The following ODAD1 variants were observed in gnomAD, a reference collection of about 807,000 sequenced individuals.
The protein encoded by ODAD1 is outer dynein arm-docking complex subunit 1.
Under a neutral mutation model 67.2 loss-of-function variants are expected in ODAD1, and 49 were observed. That is an observed-to-expected ratio of 0.73 (90% CI 0.58 to 0.92). The LOEUF (loss-of-function observed/expected upper bound fraction) is 0.92. Among genes scored for constraint, ODAD1 ranks in the 40% least tolerant of loss-of-function variants. ODAD1 has a pLI of 0.00. For missense variants in ODAD1, 897 were observed against 953.7 expected (o/e 0.94, Z 0.78); for synonymous variants, 345 against 393.7 (o/e 0.88, Z 1.46).
intron 7 of ODAD1, among the ~76,000 whole-genome samples, chr19:48,311,271 C>T (rs1325217149): frequency 2.6e-5 from 4 of 151,992 alleles, no homozygotes. Context: ...CAAAGATCCC[C>T]GTGGAATGTA....
intron 8 of ODAD1, among the ~76,000 whole-genome samples, chr19:48,304,343 T>A (rs921412384): frequency 4.6e-5 from 7 of 152,090 alleles, no homozygotes; most frequent in African/African-American, 1.7e-4. Flanking sequence ...AGCAGAGAAC[T>A]GGCTGGGCAC....
At chr19:48,315,353 T>C (rs1488915130) in intron 5 of ODAD1, among the ~76,000 whole-genome samples, 1 of 152,218 alleles carries the variant, frequency 6.6e-6, no homozygotes, top group Non-Finnish European at 1.5e-5. Context: ...GAGACCAGCC[T>C]GGCCAACATG....
chr19:48,316,921 C>T (rs554196710), intron 5 of ODAD1, among the ~76,000 whole-genome samples: 96 of 152,184 alleles, frequency 6.3e-4, no homozygotes, highest in African/African-American at 2.0e-3. Context: ...ATCGCTTGAA[C>T]CTGGGAGGTG....
chr19:48,318,901 G>A, intron 3 of ODAD1, 89 bp from the exon 4 acceptor site: 1 of 799,408 alleles, frequency 1.3e-6, no homozygotes, highest in Admixed American at 2.1e-5. Flanking sequence ...CTCCCTTTGG[G>A]GTCTCACAAA....
intron 11 of ODAD1, 64 bp downstream of exon 11, chr19:48,302,948 AG>A: frequency 1.1e-6 from 1 of 922,986 alleles, no homozygotes; most frequent in Non-Finnish European, 1.6e-6. Context: ...AGGCAGGCTG[AG>A]GGAGGGAAGG....
In ODAD1 at chr19:48,303,773, C is replaced by A. The variant is rs1445695626; in HGVS notation, c.865G>T (p.Ala289Ser). The change falls in exon 10 of 16, where the codon GCC becomes TCC. Residue 289 changes from alanine to serine, a missense_variant. By Grantham distance (99) the Ala-to-Ser change is moderately conservative (BLOSUM62 1). Coordinates refer to ENST00000674294, the MANE Select transcript of ODAD1 (RefSeq NM_001364171.2). ...EKREKQAGEV[A>S]EGVWKTSQER... ...TGGGAGGTCTTCCAGACGCCCTCGGCCACCTCCCCGGCTAGGGGAAGAGAG... is the reference window on the plus strand; with the variant it reads ...TGGGAGGTCTTCCAGACGCCCTCGGACACCTCCCCGGCTAGGGGAAGAGAG... 1.2e-6 allele frequency: 2 copies of A among 1,609,634 alleles called. No individual in the cohort carries two copies. The highest frequency in any genetic ancestry group is 2.7e-5 in the African/African-American group (2 of 75,030).
chr19:48,303,911 G>A (rs749128355), intron 9 of ODAD1, 42 bp downstream of exon 9: 15 of 1,599,728 alleles, frequency 9.4e-6, no homozygotes, highest in Admixed American at 3.4e-5. Context: ...CCCCAGGGGC[G>A]GCCAGGCCCT....
In ODAD1 at chr19:48,306,196, T is replaced by C. The variant is rs970339985; in HGVS notation, c.665+60A>G. 28 of 1,548,422 alleles carry C rather than the reference T, an allele frequency of 1.8e-5. No individual in the cohort carries two copies. The African/African-American group carries it at 3.4e-4, about 19-fold the overall frequency. ...CCTGAACCTTCCCATCACTGCCTTA[T>C]GGAAAGGTGCGTCCTGAGTCATCTG... is the stretch of plus-strand genomic sequence containing the variant. On this transcript the variant is annotated intron_variant, in intron 8 of 15. Transcript: ENST00000674294.
intron 13 of ODAD1, 28 bp from the exon 14 acceptor site, chr19:48,298,125 C>G (rs759627494): frequency 1.2e-6 from 2 of 1,611,820 alleles, no homozygotes; most frequent in South Asian, 2.2e-5. Flanking sequence ...CTGCGGTCAG[C>G]TGGGCCACCC....
intron 3 of ODAD1, chr19:48,319,607 A>G (rs1968988266): frequency 5.7e-6 from 1 of 175,040 alleles, no homozygotes; most frequent in Non-Finnish European, 1.1e-5. Flanking sequence ...AGCTCACTGC[A>G]GCCTCCACCT....
At chr19:48,311,763 G>A (rs1968771078) in intron 6 of ODAD1, 97 bp from the exon 7 acceptor site, 2 of 866,512 alleles carry the variant, frequency 2.3e-6, no homozygotes, top group Admixed American at 4.1e-5. Context: ...CAGAGGTTGG[G>A]CCGGCCTGTT....
rs1968971761 is a variant in ODAD1 at position 48,318,946 on chromosome 19, C to G, written c.71-134G>C. The G allele has an allele frequency of 9.6e-6, 6 of 622,934 alleles. No homozygotes were observed. In the South Asian group the frequency reaches 1.1e-4, roughly 11 times the overall value. 38.6% of individuals were successfully genotyped at this position (622,934 alleles called of 1,614,324 possible). On this transcript the variant is annotated intron_variant, in intron 3 of 15. Transcript: ENST00000674294. The stretch of plus-strand genomic sequence containing the variant: ...AACTGCAGATCCAGCCCCCAACACC[C>G]CTCTAGGAATGCACCTCAGTTCCGG...
At chr19:48,305,061 G>T (rs1231674888) in intron 8 of ODAD1, among the ~76,000 whole-genome samples, 3 of 152,142 alleles carry the variant, frequency 2.0e-5, no homozygotes, top group Non-Finnish European at 4.4e-5. Flanking sequence ...AGACCCTAAG[G>T]CCGACCCAGG....
chr19:48,304,970 A>G (rs1204938839), intron 8 of ODAD1, among the ~76,000 whole-genome samples: 1 of 152,192 alleles, frequency 6.6e-6, no homozygotes, highest in Admixed American at 6.5e-5. Context: ...AATGTACTAA[A>G]TGCTGCTACA....
rs1014789726 is a variant in ODAD1, at chr19:48,313,442, A to C, written c.361-1326T>G. Among the ~76,000 whole-genome samples, 4 of 98,826 alleles carry C rather than the reference A, an allele frequency of 4.0e-5. No homozygotes were observed. The East Asian group carries it at 1.0e-3, about 25-fold the overall frequency. 64.8% of individuals were successfully genotyped at this position (98,826 alleles called of 152,430 possible). Reference sequence around the variant, plus strand: ...ACTCCATCTCAAAAAAAAAAAAAAAAAAAACCAAAAAAAAACCTCACATGT... The same window carrying C: ...ACTCCATCTCAAAAAAAAAAAAAAACAAAACCAAAAAAAAACCTCACATGT... On this transcript the variant is annotated intron_variant, in intron 5 of 15. Coordinates refer to ENST00000674294, the MANE Select transcript of ODAD1 (RefSeq NM_001364171.2).
chr19:48,302,924 T>C, intron 11 of ODAD1, 62 bp from the exon 12 acceptor site: 1 of 1,608,722 alleles, frequency 6.2e-7, no homozygotes. Context: ...GGTGTGGAGC[T>C]AGGAAGAAGC....
rs185335382 is a variant in ODAD1, at chr19:48,310,399, G to A, written c.597+1154C>T. Among the ~76,000 whole-genome samples, 39 of 152,228 alleles carry A rather than the reference G, an allele frequency of 2.6e-4. 1 individual carries two copies. Among genetic ancestry groups the A allele is most frequent in the Admixed American group, 1.7e-3 (26 of 15,280 alleles). ...CAAATGCAACGTGAGATTCTGGACCGGAGCCTAGAGTAGGAAAATCAAGTT... is the reference window on the plus strand; with the variant it reads ...CAAATGCAACGTGAGATTCTGGACCAGAGCCTAGAGTAGGAAAATCAAGTT... On this transcript the variant is annotated intron_variant, in intron 7 of 15. Transcript: ENST00000674294.
chr19:48,297,009 C>CGGGCCAGTGCTGGAGGCA lies in ODAD1; in HGVS notation c.2073_2090dup (p.Ala692_Pro697dup). On this transcript the variant is annotated inframe_insertion, in exon 16 of 16. Transcript: ENST00000674294. ...GGGAGTCTTTGCTGGTGGAGGAGCC[C>CGGGCCAGTGCTGGAGGCA]GGGCCAGTGCTGGAGGCAGGGCCGG... 1 of 1,608,812 alleles carries CGGGCCAGTGCTGGAGGCA rather than the reference C, an allele frequency of 6.2e-7. No homozygotes were observed. Among genetic ancestry groups the CGGGCCAGTGCTGGAGGCA allele is most frequent in the Admixed American group, 1.7e-5 (1 of 59,894 alleles).
Position 48,297,370 on chromosome 19 carries a change from G to T in ODAD1, c.1730C>A (p.Ala577Asp). The change falls in exon 16 of 16, where the codon GCC becomes GAC. Residue 577 changes from alanine to aspartate, a missense_variant. Ala to Asp is a moderately radical substitution (Grantham distance 126). Transcript: ENST00000674294. Reference protein sequence around the residue: ...TVLVPTRHPHAIPGSILSHKT... With the variant: ...TVLVPTRHPHDIPGSILSHKT... ...GTGGCTCAAAATGGACCCGGGGATG[G>T]CATGGGGGTGCCTGGTGGGCACCAG... is the stretch of plus-strand genomic sequence containing the variant. 2 of 1,609,112 alleles carry T rather than the reference G, an allele frequency of 1.2e-6. No homozygotes were observed.
Sources: gnomAD v4.1 joint callset for allele counts (sites outside exome capture counted in the v4.1 genomes callset) on GRCh38, gnomAD v4.1.1 for gene constraint, MANE v1.5 for transcripts, NCBI Gene and HGNC (gene_info 2026-07-23, HGNC 2026-07-21) for gene names.